The following GABRG3 variants were observed in gnomAD, a reference collection of about 807,000 sequenced individuals.
GABRG3 encodes gamma-aminobutyric acid receptor subunit gamma-3.
In GABRG3, 25 loss-of-function variants were observed where a neutral mutation model predicts 48.8. That is an observed-to-expected ratio of 0.51 (90% CI 0.37 to 0.72). The LOEUF (loss-of-function observed/expected upper bound fraction) is 0.72. Ranked by LOEUF, GABRG3 falls within the 30% of genes least tolerant of loss-of-function variation. The probability of loss-of-function intolerance (pLI) is 0.00; values close to 1 mark genes in which losing one functional copy is unlikely to be tolerated. For synonymous variants in GABRG3, 227 were observed against 217.6 expected (o/e 1.04, Z -0.38); for missense variants, 394 against 577.9 (o/e 0.68, Z 3.26).
intron 5 of GABRG3, among the ~76,000 whole-genome samples, chr15:27,397,962 G>A (rs1237020970): frequency 6.6e-6 from 1 of 151,774 alleles, no homozygotes; most frequent in African/African-American, 2.4e-5. Context: ...CCGCCACCAC[G>A]CCCGGCTAAA....
chr15:26,997,096 T>G (rs1011276775), intron 2 of GABRG3, among the ~76,000 whole-genome samples: 7 of 152,230 alleles, frequency 4.6e-5, no homozygotes, highest in Non-Finnish European at 8.8e-5. Context: ...AGCTCAAATC[T>G]ACTGTTGAAT....
At chr15:27,147,044 C>T (rs1234994664) in intron 3 of GABRG3, among the ~76,000 whole-genome samples, 1 of 151,902 alleles carries the variant, frequency 6.6e-6, no homozygotes, top group African/African-American at 2.4e-5. Context: ...TTATGAGAGA[C>T]AGTTTCAGTT....
intron 3 of GABRG3, among the ~76,000 whole-genome samples, chr15:27,293,768 T>A (rs1891881730): frequency 6.6e-6 from 1 of 152,040 alleles, no homozygotes; most frequent in African/African-American, 2.4e-5. Flanking sequence ...AAATGAAATG[T>A]TAAGAGGTAT....
intron 5 of GABRG3, among the ~76,000 whole-genome samples, chr15:27,376,724 G>GCC (rs1189061858): frequency 6.6e-6 from 1 of 152,156 alleles, no homozygotes; most frequent in African/African-American, 2.4e-5. Flanking sequence ...CTTGAGCACA[G>GCC]CCCATGAAAA....
chr15:27,034,297 C>T (rs7177870), intron 3 of GABRG3, among the ~76,000 whole-genome samples: 66,139 of 151,960 alleles, frequency 0.44, 14,630 homozygotes, highest in Middle Eastern at 0.49. Flanking sequence ...TAACTCAGGG[C>T]CAGTTCTCTT....
chr15:27,328,144 C>T (rs893920516), intron 4 of GABRG3, among the ~76,000 whole-genome samples: 13 of 149,894 alleles, frequency 8.7e-5, no homozygotes, highest in East Asian at 1.9e-4. Flanking sequence ...AAAAAAAACA[C>T]GCCACAGCTG....
intron 3 of GABRG3, among the ~76,000 whole-genome samples, chr15:27,058,725 A>T (rs1025587579): frequency 6.6e-6 from 1 of 152,048 alleles, no homozygotes; most frequent in African/African-American, 2.4e-5. Flanking sequence ...TTACCTATAC[A>T]GTGCTTAAGA....
chr15:27,497,447 A>G (rs1414598062), intron 6 of GABRG3, among the ~76,000 whole-genome samples: 2 of 152,186 alleles, frequency 1.3e-5, no homozygotes, highest in African/African-American at 4.8e-5. Context: ...TCTTATAGAC[A>G]TTGTTCTAGT....
At chr15:27,232,418 G>A (rs1194588218) in intron 3 of GABRG3, among the ~76,000 whole-genome samples, 5 of 152,154 alleles carry the variant, frequency 3.3e-5, no homozygotes, top group Admixed American at 3.3e-4. Flanking sequence ...TCTTACCCGG[G>A]CGTCCACCTG....
intron 5 of GABRG3, among the ~76,000 whole-genome samples, chr15:27,342,565 A>G (rs2140529622): frequency 6.6e-6 from 1 of 152,384 alleles, no homozygotes; most frequent in Non-Finnish European, 1.5e-5. Flanking sequence ...GAGAAAAGAA[A>G]CGTGGAAATG....
chr15:27,284,517 C>T (rs898586359), intron 3 of GABRG3, among the ~76,000 whole-genome samples: 38 of 152,220 alleles, frequency 2.5e-4, no homozygotes, highest in African/African-American at 8.2e-4. Flanking sequence ...CACTCTCTCT[C>T]TCACACACAC....
At chr15:27,333,456 C>G (rs1421734707) in intron 5 of GABRG3, among the ~76,000 whole-genome samples, 1 of 152,160 alleles carries the variant, frequency 6.6e-6, no homozygotes, top group African/African-American at 2.4e-5. Flanking sequence ...AACAGCACCT[C>G]TCTCTGATCC....
intron 3 of GABRG3, among the ~76,000 whole-genome samples, chr15:27,117,117 G>A (rs1468714): frequency 0.74 from 112,913 of 152,198 alleles, 43,250 homozygotes; most frequent in African/African-American, 0.93. Flanking sequence ...ATAGCTCAAG[G>A]TCACAAAGCT....
chr15:26,989,308 C>T (rs896430933), intron 2 of GABRG3, among the ~76,000 whole-genome samples: 1 of 152,152 alleles, frequency 6.6e-6, no homozygotes, highest in Non-Finnish European at 1.5e-5. Context: ...TCAGTTGATA[C>T]TGATAACATT....
chr15:27,370,298 A>G (rs985329751), intron 5 of GABRG3, among the ~76,000 whole-genome samples: 2 of 152,228 alleles, frequency 1.3e-5, no homozygotes, highest in African/African-American at 4.8e-5. Flanking sequence ...TAAGGAGGAT[A>G]GCACAATGGA....
At chr15:27,082,478 T>C (rs1164512086) in intron 3 of GABRG3, among the ~76,000 whole-genome samples, 3 of 152,134 alleles carry the variant, frequency 2.0e-5, no homozygotes, top group Non-Finnish European at 4.4e-5. Context: ...CTGCAGGCAA[T>C]GTTTCAGATC....
At chr15:27,082,614 A>G (rs1381901096) in intron 3 of GABRG3, among the ~76,000 whole-genome samples, 3 of 152,228 alleles carry the variant, frequency 2.0e-5, no homozygotes, top group Non-Finnish European at 2.9e-5. Flanking sequence ...GTTGTGGAGT[A>G]TTCAAGATCA....
At chr15:27,518,503 A>G (rs1891083063) in intron 6 of GABRG3, among the ~76,000 whole-genome samples, 1 of 152,236 alleles carries the variant, frequency 6.6e-6, no homozygotes, top group South Asian at 2.1e-4. Flanking sequence ...GTTTTAAGAT[A>G]GATATTGTAC....
intron 3 of GABRG3, among the ~76,000 whole-genome samples, chr15:27,037,175 C>T (rs970240437): frequency 2.5e-4 from 38 of 152,216 alleles, no homozygotes; most frequent in Admixed American, 7.8e-4. Flanking sequence ...ACCTTGATCT[C>T]GGCCTTCCAC....
Sources: allele counts gnomAD v4.1 joint callset (sites outside exome capture counted in the v4.1 genomes callset), GRCh38; gene constraint gnomAD v4.1.1; transcripts MANE v1.5; gene names NCBI Gene and HGNC (gene_info 2026-07-23, HGNC 2026-07-21).